Variants in ZFPM1 observed in about 807,000 individuals in gnomAD.
The protein encoded by ZFPM1 is zinc finger protein, FOG family member 1.
In ZFPM1, 28 loss-of-function variants were observed where a neutral mutation model predicts 46.3. That is an observed-to-expected ratio of 0.60 (90% CI 0.45 to 0.83). The LOEUF (loss-of-function observed/expected upper bound fraction) is 0.83. ZFPM1 is among the 40% of genes least tolerant of loss of function. ZFPM1 has a pLI of 0.00. For missense variants in ZFPM1, 1,878 were observed against 1,432.4 expected, an observed-to-expected ratio of 1.31 and a Z score of -5.02; for synonymous variants, 957 against 675.9, an observed-to-expected ratio of 1.42 and a Z score of -6.45.
chr16:88,464,234 C>T (rs992808127), intron 1 of ZFPM1, among the ~76,000 whole-genome samples: 5 of 152,172 alleles, frequency 3.3e-5, no homozygotes, highest in African/African-American at 1.2e-4. Flanking sequence ...GCCCGAGGGG[C>T]CGAGGCATGT....
At chr16:88,501,172 A>T (rs993403957) in intron 3 of ZFPM1, among the ~76,000 whole-genome samples, 108 of 82,560 alleles carry the variant, frequency 1.3e-3, no homozygotes, top group African/African-American at 4.9e-3. Context: ...GAGATAGCAG[A>T]CATGGGTGCG....
chr16:88,487,265 G>A (rs555528543), intron 2 of ZFPM1, among the ~76,000 whole-genome samples: 3 of 152,224 alleles, frequency 2.0e-5, no homozygotes, highest in African/African-American at 4.8e-5. Context: ...GTTGTGGGGT[G>A]GGCTCCACCC....
intron 1 of ZFPM1, among the ~76,000 whole-genome samples, chr16:88,478,369 G>A (rs899439931): frequency 6.6e-6 from 1 of 152,234 alleles, no homozygotes; most frequent in Non-Finnish European, 1.5e-5. Flanking sequence ...GCCAGGGGTG[G>A]GGCTGCTGCA....
chr16:88,459,450 C>T (rs1254309481), intron 1 of ZFPM1, among the ~76,000 whole-genome samples: 1 of 152,172 alleles, frequency 6.6e-6, no homozygotes, highest in African/African-American at 2.4e-5. Context: ...TACCTGCCCC[C>T]TGAGCACTGT....
At position 88,528,074 on chromosome 16, in the gene ZFPM1, G is replaced by C; in HGVS notation, c.548G>C (p.Gly183Ala). ...WCRVTKPVPAGGLLSVLLTAE... is the reference protein window; with the variant it reads ...WCRVTKPVPAAGLLSVLLTAE... Reference sequence around the variant, plus strand: ...AGGGTCACCAAGCCGGTGCCTGCGGGGGGACTCCTGAGCGTGCTCCTCACG... The same window carrying C: ...AGGGTCACCAAGCCGGTGCCTGCGGCGGGACTCCTGAGCGTGCTCCTCACG... Residue 183 changes from glycine (G) to alanine (A), a missense_variant, in exon 6 of 10, where the codon GGG becomes GCG. Gly to Ala is a moderately conservative substitution (Grantham distance 60). Transcript: ENST00000319555. The C allele has an allele frequency of 6.4e-7, 1 of 1,565,752 alleles. No homozygotes were observed.
chr16:88,533,081 C>T, intron 9 of ZFPM1, 67 bp from the exon 10 acceptor site: 1 of 1,463,382 alleles, frequency 6.8e-7, no homozygotes, highest in Non-Finnish European at 9.0e-7. Context: ...CCGGAGCTCG[C>T]CCTCCAGCTC....
In ZFPM1 at chr16:88,534,315, C is replaced by T. The variant is rs773691009; in HGVS notation, c.2357C>T (p.Ser786Leu). The change falls in exon 10 of 10, where the codon TCG becomes TTG. Residue 786 changes from serine to leucine, a missense_variant. Coordinates refer to ENST00000319555, the MANE Select transcript of ZFPM1 (RefSeq NM_153813.3). ...GGCCCCGGCCTCGCCCCTGCGCGCT[C>T]GCCCGGCCCCGCGGCCGACGGCCCC... is the stretch of plus-strand genomic sequence containing the variant. ...GSGPGLAPAR[S>L]PGPAADGPID... The T allele has an allele frequency of 4.6e-5, 61 of 1,320,400 alleles. No individual in the cohort carries two copies. In the South Asian group the frequency reaches 7.6e-4, roughly 17 times the overall value. 81.8% of individuals were successfully genotyped at this position (1,320,400 alleles called of 1,614,324 possible).
Position 88,533,930 on chromosome 16 carries a change from G to A in ZFPM1, c.1972G>A (p.Ala658Thr). The A allele has an allele frequency of 8.0e-7, 1 of 1,248,828 alleles. No homozygotes were observed. Among genetic ancestry groups the A allele is most frequent in the Non-Finnish European group, 1.0e-6 (1 of 976,878 alleles). The allele number at this position is 1,248,828 out of a possible 1,614,324, so 77.4% of individuals were successfully genotyped here. The change falls in exon 10 of 10, where the codon GCG (alanine) becomes ACG (threonine). Residue 658 changes from alanine to threonine, a missense_variant. Physicochemically the swap from Ala to Thr is moderately conservative, Grantham distance 58 (BLOSUM62 0). Coordinates refer to ENST00000319555, the MANE Select transcript of ZFPM1 (RefSeq NM_153813.3). ...AGGAATPEDG[A>T]GGRGSEGSQS... Reference sequence around the variant, plus strand: ...GGGCGCGGCCACGCCCGAGGACGGCGCGGGCGGCCGGGGCAGCGAGGGCAG... The same window carrying A: ...GGGCGCGGCCACGCCCGAGGACGGCACGGGCGGCCGGGGCAGCGAGGGCAG...
chr16:88,534,224 C>A lies in ZFPM1; in HGVS notation c.2266C>A (p.Pro756Thr). The A allele has an allele frequency of 2.0e-6, 2 of 976,884 alleles. No individual in the cohort carries two copies. Among genetic ancestry groups the A allele is most frequent in the Non-Finnish European group, 2.4e-6 (2 of 825,184 alleles). The allele number at this position is 976,884 out of a possible 1,614,324, so 60.5% of individuals were successfully genotyped here. Residue 756 changes from proline (P) to threonine (T), a missense_variant, in exon 10 of 10, where the codon CCC becomes ACC. By Grantham distance (38) the Pro-to-Thr change is conservative. Transcript: ENST00000319555. ...CGAGCTGCACGCGGCCGGCGCCCCG[C>A]CCCCCCCGCCGCCCGGCCACGCCCC... ...LYELHAAGAP[P>T]PPPPGHAPAP...
intron 1 of ZFPM1, among the ~76,000 whole-genome samples, chr16:88,458,526 C>G (rs1907658343): frequency 6.6e-6 from 1 of 152,238 alleles, no homozygotes; most frequent in South Asian, 2.1e-4. Context: ...TGCCCCTTAT[C>G]TCCTGTTTCT....
chr16:88,535,023 A>T lies in ZFPM1; in HGVS notation c.*44A>T. The T allele has an allele frequency of 7.4e-7, 1 of 1,355,588 alleles. No individual in the cohort carries two copies. Among genetic ancestry groups the T allele is most frequent in the South Asian group, 1.9e-5 (1 of 53,334 alleles). The allele number at this position is 1,355,588 out of a possible 1,614,324, so 84.0% of individuals were successfully genotyped here. On this transcript the variant is annotated 3_prime_UTR_variant, in exon 10 of 10. Transcript: ENST00000319555. ...CAGACGCTTTGCACGCCCCGCTGCGATGCGGGGAGGGGGCCGCCCCCAGGC... is the reference window on the plus strand; with the variant it reads ...CAGACGCTTTGCACGCCCCGCTGCGTTGCGGGGAGGGGGCCGCCCCCAGGC...
At chr16:88,481,826 T>A (rs964300707) in intron 1 of ZFPM1, among the ~76,000 whole-genome samples, 1 of 152,176 alleles carries the variant, frequency 6.6e-6, no homozygotes, top group African/African-American at 2.4e-5. Flanking sequence ...ATTTGTAAAG[T>A]GCTGAGCACC....
rs1376955086 is a variant in ZFPM1, at chr16:88,453,614, C to T, written c.-25C>T. 5 of 1,097,544 alleles carry T rather than the reference C, an allele frequency of 4.6e-6. No homozygotes were observed. Among genetic ancestry groups the T allele is most frequent in the Non-Finnish European group, 5.6e-6 (5 of 891,706 alleles). The allele number at this position is 1,097,544 out of a possible 1,614,324, so 68.0% of individuals were successfully genotyped here. The stretch of plus-strand genomic sequence containing the variant: ...CCCGCCCGGGGCTAGAGGCGGCCGC[C>T]GGGAGGGCGCGCGGCGCCGGAGACA... On this transcript the variant is annotated 5_prime_UTR_variant, in exon 1 of 10. Transcript: ENST00000319555.
At chr16:88,527,402 G>A (rs537879180) in intron 5 of ZFPM1, among the ~76,000 whole-genome samples, 2 of 152,274 alleles carry the variant, frequency 1.3e-5, no homozygotes, top group African/African-American at 4.8e-5. Flanking sequence ...GCACGTCTGG[G>A]TGGCCTGCAC....
In ZFPM1 at chr16:88,535,415, C is replaced by T. The variant is rs1913205808; in HGVS notation, c.*436C>T. The T allele has an allele frequency of 6.5e-6, 1 of 154,516 alleles. No individual in the cohort carries two copies. Among genetic ancestry groups the T allele is most frequent in the Admixed American group, 6.5e-5 (1 of 15,340 alleles). The allele number at this position is 154,516 out of a possible 1,614,324, so 9.6% of individuals were successfully genotyped here. On this transcript the variant is annotated 3_prime_UTR_variant, in exon 10 of 10. Transcript: ENST00000319555. ...TCCATACCCCCCTAGGGAGAGCAGCCTCCACACTGCTGACCCTCTCCACGG... is the reference window on the plus strand; with the variant it reads ...TCCATACCCCCCTAGGGAGAGCAGCTTCCACACTGCTGACCCTCTCCACGG...
At chr16:88,486,966 G>T (rs1206722960) in intron 2 of ZFPM1, among the ~76,000 whole-genome samples, 1 of 152,192 alleles carries the variant, frequency 6.6e-6, no homozygotes, top group Non-Finnish European at 1.5e-5. Context: ...CCTAGTGGGG[G>T]TCCCACCCAG....
At chr16:88,501,830 G>A (rs549146639) in intron 3 of ZFPM1, among the ~76,000 whole-genome samples, 9 of 152,068 alleles carry the variant, frequency 5.9e-5, no homozygotes, top group East Asian at 1.9e-4. Flanking sequence ...GGTAGTGGGC[G>A]TGGGTGCAGG....
intron 1 of ZFPM1, among the ~76,000 whole-genome samples, chr16:88,455,295 C>A (rs1036010691): frequency 1.3e-5 from 2 of 152,104 alleles, no homozygotes; most frequent in African/African-American, 4.8e-5. Context: ...CCCAGCGGGG[C>A]GGGCAGAGCG....
At chr16:88,522,304 G>A (rs1374952158) in intron 4 of ZFPM1, among the ~76,000 whole-genome samples, 1 of 152,242 alleles carries the variant, frequency 6.6e-6, no homozygotes, top group East Asian at 1.9e-4. Flanking sequence ...CTCTGTTAAG[G>A]TGATGGGGAG....
Sources: gnomAD v4.1 joint callset for allele counts (sites outside exome capture counted in the v4.1 genomes callset) on GRCh38, gnomAD v4.1.1 for gene constraint, MANE v1.5 for transcripts, NCBI Gene and HGNC (gene_info 2026-07-23, HGNC 2026-07-21) for gene names.